Variants in STK10 observed in about 807,000 individuals in gnomAD.
STK10 encodes the protein serine/threonine-protein kinase 10.
STK10 carries 78 observed loss-of-function variants against 113.8 expected under a neutral mutation model. The ratio of observed to expected loss-of-function variants is 0.69; its 90% CI spans 0.57 to 0.83. The LOEUF (loss-of-function observed/expected upper bound fraction) is 0.83, where lower values mean the gene tolerates loss of function less well. STK10 is among the 40% of genes least tolerant of loss of function. The pLI is 0.00. For synonymous variants in STK10, 465 were observed against 494.7 expected, an observed-to-expected ratio of 0.94 and a Z score of 0.80; for missense variants, 1,109 against 1,280.1, an observed-to-expected ratio of 0.87 and a Z score of 2.04.
At chr5:172,141,196 C>T (rs999660061) in intron 2 of STK10, among the ~76,000 whole-genome samples, 8 of 151,656 alleles carry the variant, frequency 5.3e-5, no homozygotes, top group Non-Finnish European at 1.0e-4. Flanking sequence ...TGTTGGACAA[C>T]GCTATAGCTA....
intron 18 of STK10, chr5:172,045,288 GA>G: frequency 3.1e-5 from 19 of 604,248 alleles, no homozygotes; most frequent in East Asian, 6.8e-5. Flanking sequence ...GGGCAGGGAG[GA>G]AAAAAAAGCA....
chr5:172,178,592 G>A (rs184198807), intron 1 of STK10, among the ~76,000 whole-genome samples: 1 of 152,290 alleles, frequency 6.6e-6, no homozygotes, highest in East Asian at 1.9e-4. Context: ...AATAGCTCCC[G>A]CAGGTGTAGT....
intron 10 of STK10, among the ~76,000 whole-genome samples, chr5:172,089,620 GGATA>G (rs1483751862): frequency 6.6e-6 from 1 of 152,024 alleles, no homozygotes; most frequent in Non-Finnish European, 1.5e-5. Flanking sequence ...TTGGGTGGAT[GGATA>G]GATAAACAGA....
intron 14 of STK10, among the ~76,000 whole-genome samples, chr5:172,060,664 A>G (rs997686148): frequency 6.6e-6 from 1 of 152,248 alleles, no homozygotes; most frequent in Non-Finnish European, 1.5e-5. Context: ...TTGTTACAGC[A>G]GCCTGAATGA....
intron 2 of STK10, among the ~76,000 whole-genome samples, chr5:172,146,452 AG>A (rs974332874): frequency 5.3e-5 from 8 of 152,188 alleles, no homozygotes; most frequent in Non-Finnish European, 8.8e-5. Context: ...AAGAAACACA[AG>A]GAAAACGGAA....
At chr5:172,085,286 T>TTATA (rs1028161753) in intron 10 of STK10, among the ~76,000 whole-genome samples, 3 of 151,446 alleles carry the variant, frequency 2.0e-5, no homozygotes, top group Non-Finnish European at 4.4e-5. Flanking sequence ...CATGCCCTAA[T>TTATA]TATATATATA....
At chr5:172,106,578 G>T (rs755475955) in intron 6 of STK10, 42 bp downstream of exon 6, 2 of 1,583,250 alleles carry the variant, frequency 1.3e-6, no homozygotes. Flanking sequence ...CCCTAATCCC[G>T]GCGCAGGCAC....
intron 2 of STK10, among the ~76,000 whole-genome samples, chr5:172,155,285 G>A (rs939655425): frequency 2.6e-5 from 4 of 152,108 alleles, no homozygotes; most frequent in African/African-American, 9.7e-5. Context: ...ATCTCCTGAG[G>A]TCAGGAGTTC....
rs1481894407 is a variant in STK10 at position 172,082,277 on chromosome 5, G to C, written c.1989+49C>G. 2 of 1,439,510 alleles carry C rather than the reference G, an allele frequency of 1.4e-6. No homozygotes were observed. The highest frequency in any genetic ancestry group is 3.1e-5 in the South Asian group (2 of 64,296). 89.2% of individuals were successfully genotyped at this position (1,439,510 alleles called of 1,614,324 possible). On this transcript the variant is annotated intron_variant, in intron 12 of 18. Transcript: ENST00000176763. This position sits in a 1 kb window ranked among gnomAD's most constrained non-coding sequence, Gnocchi z 4.3. The stretch of plus-strand genomic sequence containing the variant: ...GGCCACGATCACTTGCAACCAAGAA[G>C]GCCCCTAATACTCCGAGATGCCCCT...
At chr5:172,072,255 A>T (rs1581140856) in intron 12 of STK10, among the ~76,000 whole-genome samples, 3 of 147,264 alleles carry the variant, frequency 2.0e-5, no homozygotes, top group Admixed American at 6.7e-5. Context: ...GACTTAAAAA[A>T]TTTTTTTTCT....
intron 5 of STK10, 99 bp downstream of exon 5, chr5:172,107,681 C>G: frequency 1.6e-6 from 2 of 1,223,690 alleles, no homozygotes; most frequent in Non-Finnish European, 1.2e-6. Flanking sequence ...GGGCGTGTAG[C>G]CCTTGTCTTC....
chr5:172,064,404 G>T (rs1768019797), intron 13 of STK10: 2 of 395,408 alleles, frequency 5.1e-6, no homozygotes, highest in African/African-American at 2.0e-5. Flanking sequence ...GAATATACTG[G>T]GTTGGTCAAG....
Position 172,188,083 on chromosome 5 carries a change from G to A in STK10, c.-41C>T. The stretch of plus-strand genomic sequence containing the variant: ...GGCGCCGGCTCGGGCTCGGGCTCGG[G>A]CTCGGGCTGTGGCTTCGGCGGCCGC... On this transcript the variant is annotated 5_prime_UTR_variant, in exon 1 of 19. Coordinates refer to ENST00000176763, the MANE Select transcript of STK10 (RefSeq NM_005990.4). The surrounding 1 kb of genome is among the most constrained non-coding windows in gnomAD (Gnocchi z 5.6). 6.3e-7 allele frequency: 1 copy of A among 1,597,044 alleles called. No homozygotes were observed. The highest frequency in any genetic ancestry group is 8.5e-7 in the Non-Finnish European group (1 of 1,171,868).
intron 1 of STK10, among the ~76,000 whole-genome samples, chr5:172,176,689 G>A (rs1005874027): frequency 6.6e-6 from 1 of 152,180 alleles, no homozygotes; most frequent in Non-Finnish European, 1.5e-5. Context: ...CATTTTTTGA[G>A]ATCAAAACTG....
intron 13 of STK10, among the ~76,000 whole-genome samples, chr5:172,062,803 T>C (rs1477956662): frequency 3.9e-5 from 6 of 152,318 alleles, no homozygotes; most frequent in Non-Finnish European, 2.9e-5. Context: ...ACAAGAGAGT[T>C]CTGGAGATAG....
At chr5:172,110,368 G>A (rs114398253) in intron 4 of STK10, among the ~76,000 whole-genome samples, 131 of 152,268 alleles carry the variant, frequency 8.6e-4, no homozygotes, top group African/African-American at 2.9e-3. Flanking sequence ...CACTGTTCTA[G>A]GCACAGAGAT....
chr5:172,148,442 T>A (rs998073603), intron 2 of STK10, among the ~76,000 whole-genome samples: 4 of 152,156 alleles, frequency 2.6e-5, no homozygotes, highest in Non-Finnish European at 5.9e-5. Context: ...AATCCTGGAA[T>A]GACAATCACC....
intron 13 of STK10, 181 bp downstream of exon 13, chr5:172,064,539 G>A: frequency 1.6e-6 from 1 of 630,976 alleles, no homozygotes; most frequent in Non-Finnish European, 2.8e-6. Flanking sequence ...TGGAGGCAGG[G>A]CAATCGAGGA....
At position 172,044,678 on chromosome 5, in the gene STK10, C is replaced by T. The variant is rs1691714018; in HGVS notation, c.*204G>A. ...ATTAGGTTCAGGTGACAAATAATTA[C>T]ACCTCACCCTCCACAGGCCAGCAAG... On this transcript the variant is annotated 3_prime_UTR_variant, in exon 19 of 19. Transcript: ENST00000176763. This position sits in a 1 kb window ranked among gnomAD's most constrained non-coding sequence, Gnocchi z 4.5. 2 of 721,768 alleles carry T rather than the reference C, an allele frequency of 2.8e-6. No individual in the cohort carries two copies. Among genetic ancestry groups the T allele is most frequent in the African/African-American group, 3.5e-5 (2 of 56,560 alleles). 44.7% of individuals were successfully genotyped at this position (721,768 alleles called of 1,614,324 possible). A position where few individuals can be genotyped will look rare whatever the true frequency, so the allele number is the denominator to read the frequency against.
Sources: gnomAD v4.1 joint callset for allele counts (sites outside exome capture counted in the v4.1 genomes callset) on GRCh38, gnomAD v4.1.1 for gene constraint, Gnocchi (gnomAD v3.1) non-coding constraint, MANE v1.5 for transcripts, NCBI Gene and HGNC (gene_info 2026-07-23, HGNC 2026-07-21) for gene names.